Variants in EPHA5 observed in about 807,000 individuals in gnomAD.
The protein encoded by EPHA5 is EPH receptor A5.
EPHA5 carries 60 observed loss-of-function variants against 105.0 expected under a neutral mutation model. The observed-to-expected ratio is 0.57, with a 90% confidence interval of 0.46 to 0.71. The LOEUF is 0.71. EPHA5 is among the 30% of genes least tolerant of loss of function. EPHA5 has a pLI of 0.00. For synonymous variants in EPHA5, 513 were observed against 449.1 expected (o/e 1.14, Z -1.80); for missense variants, 1,218 against 1,274.7 (o/e 0.96, Z 0.68).
At chr4:65,469,231 G>A (rs1249189246) in intron 5 of EPHA5, among the ~76,000 whole-genome samples, 5 of 152,208 alleles carry the variant, frequency 3.3e-5, no homozygotes, top group East Asian at 3.9e-4. Context: ...TAATCAAAGT[G>A]TTCCTGGAAC....
intron 2 of EPHA5, among the ~76,000 whole-genome samples, chr4:65,639,725 T>C (rs1223944063): frequency 1.3e-5 from 2 of 152,164 alleles, no homozygotes; most frequent in South Asian, 2.1e-4. Flanking sequence ...ATATCTGTGT[T>C]CTTTCCACCG....
At chr4:65,592,356 G>T (rs1742748470) in intron 3 of EPHA5, among the ~76,000 whole-genome samples, 2 of 152,066 alleles carry the variant, frequency 1.3e-5, no homozygotes, top group South Asian at 4.1e-4. Flanking sequence ...AGCTCAGTGG[G>T]ATGAGGCAGG....
intron 3 of EPHA5, among the ~76,000 whole-genome samples, chr4:65,531,986 CATAAT>C (rs1157919182): frequency 6.6e-6 from 1 of 152,062 alleles, no homozygotes; most frequent in African/African-American, 2.4e-5. Context: ...TTAAATAATA[CATAAT>C]ATATTATTTT....
chr4:65,669,736 C>G lies in EPHA5; in HGVS notation c.7G>C (p.Gly3Arg), dbSNP rs1578745719. Residue 3 changes from glycine (G) to arginine (R), a missense_variant, in exon 1 of 17, where the codon GGC becomes CGC. By Grantham distance (125) the Gly-to-Arg change is moderately radical (BLOSUM62 -2). Around this residue, in one of 3 missense-constraint regions of EPHA5, gnomAD observed 233 missense variants for 227.5 expected, o/e 1.02. Coordinates refer to ENST00000613740, the MANE Select transcript of EPHA5 (RefSeq NM_001281766.3). ...CGTCCCGCACCCCGGGGCCCCGAGC[C>G]CCGCATCTTCTCCGAGCCTCCTCCG... MR[G>R]SGPRGAGRRR... The G allele has an allele frequency of 7.9e-7, 1 of 1,260,028 alleles. No homozygotes were observed. Among genetic ancestry groups the G allele is most frequent in the Non-Finnish European group, 1.0e-6 (1 of 1,001,592 alleles). 78.1% of individuals were successfully genotyped at this position (1,260,028 alleles called of 1,614,324 possible). A position where few individuals can be genotyped will look rare whatever the true frequency, so the allele number is the denominator to read the frequency against.
At chr4:65,450,511 A>G (rs1032569422) in intron 5 of EPHA5, among the ~76,000 whole-genome samples, 2 of 152,196 alleles carry the variant, frequency 1.3e-5, no homozygotes, top group Non-Finnish European at 2.9e-5. Flanking sequence ...GATCCAGACC[A>G]ATGTAAAATC....
chr4:65,351,670 C>A, intron 12 of EPHA5, 72 bp from the exon 13 acceptor site: 1 of 1,345,482 alleles, frequency 7.4e-7, no homozygotes, highest in South Asian at 1.2e-5. Context: ...GGTCTGTATT[C>A]AATCCCCCAA....
chr4:65,612,041 G>GAAAGAAAAGA (rs35758516), intron 2 of EPHA5, among the ~76,000 whole-genome samples: 27 of 119,608 alleles, frequency 2.3e-4, no homozygotes, highest in Middle Eastern at 5.3e-3. Context: ...AAAAAAAAAG[G>GAAAGAAAAGA]AAAGAAAAGA....
intron 5 of EPHA5, among the ~76,000 whole-genome samples, chr4:65,426,227 CT>C (rs1724428692): frequency 6.6e-6 from 1 of 152,046 alleles, no homozygotes; most frequent in Non-Finnish European, 1.5e-5. Context: ...TTTATCTTTC[CT>C]TGATTTTCCC....
At chr4:65,576,773 A>C (rs1161062008) in intron 3 of EPHA5, among the ~76,000 whole-genome samples, 1 of 152,160 alleles carries the variant, frequency 6.6e-6, no homozygotes, top group African/African-American at 2.4e-5. Context: ...TTACCATATA[A>C]CTCTATTCAT....
At chr4:65,559,822 G>A (rs1578423168) in intron 3 of EPHA5, among the ~76,000 whole-genome samples, 1 of 152,066 alleles carries the variant, frequency 6.6e-6, no homozygotes, top group Non-Finnish European at 1.5e-5. Context: ...TTTTGTAATT[G>A]CTGACATTTT....
At position 65,321,407 on chromosome 4, in the gene EPHA5, C is replaced by T. The variant is rs1047941676; in HGVS notation, c.*2707G>A. On this transcript the variant is annotated 3_prime_UTR_variant, in exon 17 of 17. Transcript: ENST00000613740. ...GCTCCTCTCCTTGTTCCATTTCTCA[C>T]ACTTGCAGATGAGATTGGCATTTTC... 3 of 230,270 alleles carry T rather than the reference C, an allele frequency of 1.3e-5. No homozygotes were observed. Among genetic ancestry groups the T allele is most frequent in the Admixed American group, 1.1e-4 (2 of 17,568 alleles). 14.3% of individuals were successfully genotyped at this position (230,270 alleles called of 1,614,324 possible). A position where few individuals can be genotyped will look rare whatever the true frequency, so the allele number is the denominator to read the frequency against.
intron 3 of EPHA5, among the ~76,000 whole-genome samples, chr4:65,531,387 A>ATGTT: frequency 6.6e-6 from 1 of 152,150 alleles, no homozygotes; most frequent in East Asian, 1.9e-4. Context: ...AGTGGAGTTG[A>ATGTT]TGTTTGGTGA....
At chr4:65,362,715 A>T (rs1225619102) in intron 11 of EPHA5, among the ~76,000 whole-genome samples, 1 of 151,644 alleles carries the variant, frequency 6.6e-6, no homozygotes, top group African/African-American at 2.4e-5. Flanking sequence ...ATATATGAGA[A>T]ATCTGTTTGT....
rs141230481 is a variant in EPHA5, at chr4:65,479,661, C to T, written c.1402+10716G>A. 1.9e-3 allele frequency among the ~76,000 whole-genome samples: 291 copies of T among 152,140 alleles called. 2 individuals carry two copies. The highest frequency in any genetic ancestry group is 3.3e-3 in the Non-Finnish European group (223 of 67,990). On this transcript the variant is annotated intron_variant, in intron 5 of 16. Transcript: ENST00000613740. ...GAATACAGAATGTCCACAAATTAGGCAGTAAGAGAACCTGGGTCTCTGTTA... is the reference window on the plus strand; with the variant it reads ...GAATACAGAATGTCCACAAATTAGGTAGTAAGAGAACCTGGGTCTCTGTTA...
chr4:65,332,790 C>G (rs184759512), intron 15 of EPHA5, among the ~76,000 whole-genome samples: 1 of 151,854 alleles, frequency 6.6e-6, no homozygotes, highest in Non-Finnish European at 1.5e-5. Flanking sequence ...AAGAAAAATG[C>G]TACCCACTAT....
chr4:65,542,943 A>G (rs915730021), intron 3 of EPHA5, among the ~76,000 whole-genome samples: 1 of 152,074 alleles, frequency 6.6e-6, no homozygotes, highest in Non-Finnish European at 1.5e-5. Context: ...AACATAATCC[A>G]TCACATAAGC....
At chr4:65,384,999 C>G in intron 8 of EPHA5, among the ~76,000 whole-genome samples, 1 of 151,470 alleles carries the variant, frequency 6.6e-6, no homozygotes, top group Admixed American at 6.6e-5. Flanking sequence ...TAGAAAAGAA[C>G]GTAGGATTAT....
In EPHA5 at chr4:65,410,633, C is replaced by T. The variant is rs148878929; in HGVS notation, c.1687+3651G>A. On this transcript the variant is annotated intron_variant, in intron 7 of 16. Transcript: ENST00000613740. ...AAGATCTGTGGATTGATTGCATCAA[C>T]GTCAAATGTTCTGGTTGTGATATTA... is the stretch of plus-strand genomic sequence containing the variant. Among the ~76,000 whole-genome samples the T allele has an allele frequency of 3.9e-4, 59 of 152,202 alleles. 1 individual carries two copies. The East Asian group carries it at 0.011, about 27-fold the overall frequency.
At chr4:65,492,847 C>T (rs764886253) in intron 4 of EPHA5, among the ~76,000 whole-genome samples, 2 of 151,948 alleles carry the variant, frequency 1.3e-5, no homozygotes, top group Admixed American at 6.6e-5. Flanking sequence ...TGGAAATACA[C>T]GTGTTCTTGT....
Sources: gnomAD v4.1 joint callset for allele counts (sites outside exome capture counted in the v4.1 genomes callset) on GRCh38, gnomAD v4.1.1 for gene constraint, gnomAD v4.1.1 regional missense constraint, MANE v1.5 for transcripts, NCBI Gene and HGNC (gene_info 2026-07-23, HGNC 2026-07-21) for gene names.